The following NTM variants were observed in gnomAD, a reference collection of about 807,000 sequenced individuals.
The protein encoded by NTM is neurotrimin, also known as IgLON family member 2.
NTM carries 13 observed loss-of-function variants against 42.1 expected under a neutral mutation model. The ratio of observed to expected loss-of-function variants is 0.31; its 90% CI spans 0.20 to 0.49. NTM has a LOEUF of 0.49. Among genes scored for constraint, NTM ranks in the 20% least tolerant of loss-of-function variants. NTM has a pLI of 0.99. For synonymous variants in NTM, 187 were observed against 179.2 expected, an observed-to-expected ratio of 1.04 and a Z score of -0.35; for missense variants, 373 against 452.8, an observed-to-expected ratio of 0.82 and a Z score of 1.60.
At chr11:131,386,518 T>C (rs1943334609) in intron 1 of NTM, among the ~76,000 whole-genome samples, 2 of 152,252 alleles carry the variant, frequency 1.3e-5, no homozygotes, top group South Asian at 4.1e-4. Flanking sequence ...TAATCAGCTG[T>C]CTGTGGTGTA....
chr11:132,043,225 A>G (rs926004524), intron 2 of NTM, among the ~76,000 whole-genome samples: 1 of 152,200 alleles, frequency 6.6e-6, no homozygotes, highest in Non-Finnish European at 1.5e-5. Flanking sequence ...TCTTTCTGCA[A>G]GCTCCTACAT....
At chr11:131,524,833 G>A (rs540906997) in intron 1 of NTM, among the ~76,000 whole-genome samples, 2 of 152,182 alleles carry the variant, frequency 1.3e-5, no homozygotes, top group East Asian at 3.9e-4. Flanking sequence ...CCACAGCAGG[G>A]GCTGGAGTGA....
At chr11:131,714,055 G>A (rs750883357) in intron 1 of NTM, among the ~76,000 whole-genome samples, 3 of 152,146 alleles carry the variant, frequency 2.0e-5, no homozygotes, top group Non-Finnish European at 2.9e-5. Flanking sequence ...CTTACTGGTC[G>A]AGTATTTCTA....
intron 2 of NTM, among the ~76,000 whole-genome samples, chr11:132,000,622 T>G (rs2069021393): frequency 6.6e-6 from 1 of 152,196 alleles, no homozygotes; most frequent in South Asian, 2.1e-4. Context: ...ACAGACTCCT[T>G]CAGACATTTA....
At chr11:131,619,095 C>T (rs1407571185) in intron 1 of NTM, among the ~76,000 whole-genome samples, 7 of 152,260 alleles carry the variant, frequency 4.6e-5, no homozygotes, top group East Asian at 1.9e-4. Context: ...CTTTGGAGGG[C>T]GTAGCTGGAG....
At chr11:132,004,273 C>T (rs2070175540) in intron 2 of NTM, among the ~76,000 whole-genome samples, 1 of 152,160 alleles carries the variant, frequency 6.6e-6, no homozygotes, top group African/African-American at 2.4e-5. Flanking sequence ...ATTCAAAATA[C>T]AGATACCATT....
chr11:131,413,285 G>A (rs1262797468), intron 1 of NTM, among the ~76,000 whole-genome samples: 1 of 152,208 alleles, frequency 6.6e-6, no homozygotes, highest in Non-Finnish European at 1.5e-5. Flanking sequence ...TGTATTGAAA[G>A]CAATTCCAAC....
At chr11:132,321,240 G>T (rs1021986994) in intron 7 of NTM, among the ~76,000 whole-genome samples, 14 of 152,126 alleles carry the variant, frequency 9.2e-5, no homozygotes, top group African/African-American at 3.4e-4. Context: ...GCTACGGGAG[G>T]ACATTTCAAA....
intron 2 of NTM, among the ~76,000 whole-genome samples, chr11:131,979,316 G>C (rs549091073): frequency 1.2e-4 from 19 of 152,150 alleles, no homozygotes; most frequent in Non-Finnish European, 2.6e-4. Context: ...AGAGGATAAA[G>C]CTGTCCAATT....
chr11:132,330,745 C>G (rs2095788058), intron 8 of NTM, among the ~76,000 whole-genome samples: 1 of 149,914 alleles, frequency 6.7e-6, no homozygotes, highest in Admixed American at 6.7e-5. Context: ...CTCTGGGACC[C>G]TAACTGTCCT....
At chr11:132,126,731 G>C (rs2065903131) in intron 2 of NTM, among the ~76,000 whole-genome samples, 1 of 152,208 alleles carries the variant, frequency 6.6e-6, no homozygotes, top group South Asian at 2.1e-4. Flanking sequence ...GGCAAAGGGA[G>C]AGGGAAGCGA....
At chr11:131,624,971 AT>A (rs578053319) in intron 1 of NTM, among the ~76,000 whole-genome samples, 12 of 152,236 alleles carry the variant, frequency 7.9e-5, no homozygotes, top group Admixed American at 1.3e-4. Flanking sequence ...ATTATCAATG[AT>A]TCCAAGTACT....
chr11:131,643,281 A>G (rs1385015914), intron 1 of NTM, among the ~76,000 whole-genome samples: 3 of 152,258 alleles, frequency 2.0e-5, no homozygotes, highest in Admixed American at 2.0e-4. Context: ...ACTCCTGCTG[A>G]TATGACACTT....
chr11:131,995,743 C>T (rs555107360), intron 2 of NTM, among the ~76,000 whole-genome samples: 21 of 152,148 alleles, frequency 1.4e-4, no homozygotes, highest in Middle Eastern at 3.4e-3. Flanking sequence ...CCAACAAAGA[C>T]GGCTTTATTC....
chr11:132,273,324 T>TG (rs1010314126), intron 4 of NTM, among the ~76,000 whole-genome samples: 2 of 145,534 alleles, frequency 1.4e-5, no homozygotes, highest in Non-Finnish European at 3.0e-5. Flanking sequence ...TTTTTTTTTT[T>TG]TTTTTTTTTT....
rs4936160 is a variant in NTM at position 132,195,133 on chromosome 11, G to A, written c.401-16889G>A. On this transcript the variant is annotated intron_variant, in intron 3 of 8. Coordinates refer to ENST00000683400, the MANE Select transcript of NTM (RefSeq NM_001352005.2). The stretch of plus-strand genomic sequence containing the variant: ...CCACTGCACCTGACTGAAATCAATA[G>A]CATTTCTCTACACCAATAACTTCCA... Among the ~76,000 whole-genome samples the A allele has an allele frequency of 6.2e-3, 949 of 151,978 alleles. 34 individuals are homozygous for A. The highest frequency in any genetic ancestry group is 0.049 in the Admixed American group (749 of 15,254).
rs2080200025 is a variant in NTM, at chr11:131,734,780, TC to T, written c.83-176779del. Among the ~76,000 whole-genome samples, 4 of 152,250 alleles carry T rather than the reference TC, an allele frequency of 2.6e-5. No individual in the cohort carries two copies. The South Asian group carries it at 8.3e-4, about 32-fold the overall frequency. ...TATCAGCATTACCAACAGTGCAATA[TC>T]CCCCTCTGCCACATCTCACAGTCAT... On this transcript the variant is annotated intron_variant, in intron 1 of 8. Coordinates refer to ENST00000683400, the MANE Select transcript of NTM (RefSeq NM_001352005.2).
At chr11:131,595,564 C>T (rs1185965573) in intron 1 of NTM, among the ~76,000 whole-genome samples, 3 of 152,180 alleles carry the variant, frequency 2.0e-5, no homozygotes, top group Non-Finnish European at 4.4e-5. Context: ...CTAAAACACA[C>T]ATAAATAAAT....
intron 4 of NTM, among the ~76,000 whole-genome samples, chr11:132,222,258 C>A (rs568672904): frequency 1.3e-5 from 2 of 152,302 alleles, no homozygotes; most frequent in South Asian, 2.1e-4. Context: ...TTCCTCTCTT[C>A]CACCTGGATG....
Sources: allele counts gnomAD v4.1 joint callset (sites outside exome capture counted in the v4.1 genomes callset), GRCh38; gene constraint gnomAD v4.1.1; transcripts MANE v1.5; gene names NCBI Gene and HGNC (gene_info 2026-07-23, HGNC 2026-07-21).